The following C11orf65 variants were observed in gnomAD, a reference collection of about 807,000 sequenced individuals.
C11orf65 encodes protein MFI.
Under a neutral mutation model 35.3 loss-of-function variants are expected in C11orf65, and 38 were observed. That is an observed-to-expected ratio of 1.08 (90% CI 0.83 to 1.41). C11orf65 has a LOEUF of 1.41. Among genes scored for constraint, C11orf65 ranks in the 40% most tolerant of loss-of-function variants. C11orf65 has a pLI of 0.00. For synonymous variants in C11orf65, 105 were observed against 114.4 expected (o/e 0.92, Z 0.53); for missense variants, 370 against 367.1 (o/e 1.01, Z -0.06).
chr11:108,441,251 A>G (rs2093149003), intron 2 of C11orf65, among the ~76,000 whole-genome samples: 1 of 152,206 alleles, frequency 6.6e-6, no homozygotes, highest in African/African-American at 2.4e-5. Context: ...ATTGAACTGC[A>G]AGGCGGCAGC....
At chr11:108,424,958 G>A (rs1160329351) in intron 3 of C11orf65, among the ~76,000 whole-genome samples, 1 of 152,140 alleles carries the variant, frequency 6.6e-6, no homozygotes, top group Non-Finnish European at 1.5e-5. Context: ...TGAAACCAAT[G>A]AGAACAAAGA....
intron 4 of C11orf65, 44 bp downstream of exon 4, chr11:108,407,052 A>G (rs759237295): frequency 2.5e-6 from 4 of 1,579,054 alleles, no homozygotes; most frequent in Non-Finnish European, 3.5e-6. Context: ...AATTTCATAA[A>G]AATGTGCTTT....
At chr11:108,388,867 G>A (rs1037763864) in intron 7 of C11orf65, among the ~76,000 whole-genome samples, 3 of 152,210 alleles carry the variant, frequency 2.0e-5, no homozygotes, top group Admixed American at 2.0e-4. Flanking sequence ...ATTTGCAACA[G>A]TACTCATTAG....
chr11:108,384,376 C>T (rs1307764172), intron 8 of C11orf65, among the ~76,000 whole-genome samples: 1 of 152,154 alleles, frequency 6.6e-6, no homozygotes, highest in Non-Finnish European at 1.5e-5. Context: ...CTATTCTAAG[C>T]TCTGTGCATG....
At chr11:108,425,660 A>C (rs905482441) in intron 3 of C11orf65, among the ~76,000 whole-genome samples, 2 of 152,232 alleles carry the variant, frequency 1.3e-5, no homozygotes, top group Admixed American at 6.5e-5. Flanking sequence ...GGCCAGCATC[A>C]TCCTGATACC....
intron 2 of C11orf65, chr11:108,366,483 CTG>C (rs904238300): frequency 4.0e-5 from 9 of 224,242 alleles, no homozygotes; most frequent in African/African-American, 1.3e-4. Flanking sequence ...TTAGTTCCTG[CTG>C]TTTATATCTG....
chr11:108,441,914 T>A (rs2093160661), intron 2 of C11orf65, among the ~76,000 whole-genome samples: 1 of 152,134 alleles, frequency 6.6e-6, no homozygotes, highest in African/African-American at 2.4e-5. Context: ...GAATGCCTCT[T>A]CTCCTCCAAA....
intron 2 of C11orf65, among the ~76,000 whole-genome samples, chr11:108,452,380 C>T (rs1340202799): frequency 6.6e-6 from 1 of 152,134 alleles, no homozygotes; most frequent in East Asian, 1.9e-4. Flanking sequence ...ATTTATGCAG[C>T]CAACAGACAC....
chr11:108,467,465 A>C lies in C11orf65; in HGVS notation c.-10+6T>G, dbSNP rs557177616. 6.6e-6 allele frequency: 1 copy of C among 152,500 alleles called. No homozygotes were observed. The highest frequency in any genetic ancestry group is 2.1e-4 in the South Asian group (1 of 4,826). The allele number at this position is 152,500 out of a possible 1,614,324, so 9.4% of individuals were successfully genotyped here. ...TGAGAGAAGGGACACTATTCCCTTC[A>C]CCTACCAATCGCTGCTGGCCCGGGC... On this transcript the variant is annotated splice_donor_region_variant and intron_variant, in intron 1 of 8. Coordinates refer to ENST00000393084, the MANE Select transcript of C11orf65 (RefSeq NM_152587.5).
chr11:108,426,012 C>T (rs2092897314), intron 3 of C11orf65, among the ~76,000 whole-genome samples: 1 of 152,078 alleles, frequency 6.6e-6, no homozygotes. Flanking sequence ...ATAATAAGAG[C>T]TATTTATGAC....
At position 108,431,782 on chromosome 11, in the gene C11orf65, T is replaced by A; in HGVS notation, c.138A>T (p.Glu46Asp). 7 of 1,525,776 alleles carry A rather than the reference T, an allele frequency of 4.6e-6. No individual in the cohort carries two copies. Among genetic ancestry groups the A allele is most frequent in the Non-Finnish European group, 5.3e-6 (6 of 1,121,880 alleles). 94.5% of individuals were successfully genotyped at this position (1,525,776 alleles called of 1,614,324 possible). The change falls in exon 3 of 9, where the codon GAA (glutamate) becomes GAT (aspartate). Residue 46 changes from glutamate to aspartate, a missense_variant. Transcript: ENST00000393084. ...TAATATATTTCACTATCTGACGTGG[T>A]TCTCCTTGTCTTCTTAAATCAATCA... is the stretch of plus-strand genomic sequence containing the variant. The part of the protein sequence containing the change: ...KSLIDLRRQG[E>D]PRQIVKYINP...
Position 108,362,300 on chromosome 11 carries a change from C to T in C11orf65, c.227-27008G>A, listed in dbSNP as rs1591368610. Among the ~76,000 whole-genome samples the T allele has an allele frequency of 5.3e-5, 8 of 151,010 alleles. No individual in the cohort carries two copies. In the South Asian group the frequency reaches 1.3e-3, roughly 24 times the overall value. On this transcript the variant is annotated intron_variant, in intron 2 of 3. Coordinates refer to the C11orf65 transcript ENST00000524755. The stretch of plus-strand genomic sequence containing the variant: ...CAGTCATTAAAAAGTCAGGAAACAA[C>T]AGGTGCTGGAGAGGATGTGGAGAAA...
chr11:108,393,447 A>G, intron 6 of C11orf65, 69 bp from the exon 7 acceptor site: 1 of 1,393,950 alleles, frequency 7.2e-7, no homozygotes, highest in Non-Finnish European at 1.0e-6. Flanking sequence ...TACAGGCAAT[A>G]TATATTGTTG....
At chr11:108,395,327 C>T (rs946570958) in intron 6 of C11orf65, among the ~76,000 whole-genome samples, 2 of 150,450 alleles carry the variant, frequency 1.3e-5, no homozygotes, top group African/African-American at 2.4e-5. Flanking sequence ...CCTGTCTCTA[C>T]AATTTTTTTT....
chr11:108,325,578 C>T (rs770271751), intron 6 of C11orf65: 2 of 1,505,588 alleles, frequency 1.3e-6, no homozygotes, highest in Non-Finnish European at 1.8e-6. Flanking sequence ...CATCTTACCT[C>T]TTGACTTTCC....
Position 108,355,180 on chromosome 11 carries a change from G to A in C11orf65, c.227-19888C>T, listed in dbSNP as rs929548343. 63 of 338,916 alleles carry A rather than the reference G, an allele frequency of 1.9e-4. 1 individual carries two copies. The South Asian group carries it at 2.2e-3, about 12-fold the overall frequency. The allele number at this position is 338,916 out of a possible 1,614,324, so 21.0% of individuals were successfully genotyped here. ...ATATGGTATTATTATTTTCAGAATG[G>A]TTTCCATTAGGGTTTAAGAAAAATC... On this transcript the variant is annotated intron_variant, in intron 2 of 3. Coordinates refer to the C11orf65 transcript ENST00000524755.
In C11orf65 at chr11:108,317,443, A is replaced by G. The variant is rs1555114696; in HGVS notation, c.641-8372T>C. 1 of 1,612,520 alleles carries G rather than the reference A, an allele frequency of 6.2e-7. No homozygotes were observed. The highest frequency in any genetic ancestry group is 8.5e-7 in the Non-Finnish European group (1 of 1,179,408). Reference sequence around the variant, plus strand: ...AAAGGATTGGATTATGAAAATAAAGACTGGTGTCCTGAACTAGAAGAACTT... The same window carrying G: ...AAAGGATTGGATTATGAAAATAAAGGCTGGTGTCCTGAACTAGAAGAACTT... On this transcript the variant is annotated intron_variant, in intron 6 of 6. Transcript: ENST00000525729.
chr11:108,455,861 C>G (rs1381914777), intron 2 of C11orf65, among the ~76,000 whole-genome samples: 1 of 144,014 alleles, frequency 6.9e-6, no homozygotes, highest in East Asian at 2.0e-4. Context: ...AATTTAAGAT[C>G]CAAAGACATG....
chr11:108,318,235 G>A (rs1004996156), intron 6 of C11orf65, among the ~76,000 whole-genome samples: 2 of 151,950 alleles, frequency 1.3e-5, no homozygotes, highest in East Asian at 1.9e-4. Flanking sequence ...GGCAGCATGC[G>A]CCTGTAGTCC....
Sources: allele counts gnomAD v4.1 joint callset (sites outside exome capture counted in the v4.1 genomes callset), GRCh38; gene constraint gnomAD v4.1.1; transcripts MANE v1.5; gene names NCBI Gene and HGNC (gene_info 2026-07-23, HGNC 2026-07-21).